The following PTBP3 variants were observed in gnomAD, a reference collection of about 807,000 sequenced individuals.
PTBP3 encodes polypyrimidine tract binding protein 3, also known as polypyrimidine tract-binding protein 3.
In PTBP3, 20 loss-of-function variants were observed where a neutral mutation model predicts 58.7. That is an observed-to-expected ratio of 0.34 (90% CI 0.24 to 0.50). The LOEUF is 0.50. Ranked by LOEUF, PTBP3 falls within the 20% of genes least tolerant of loss-of-function variation. The pLI is 0.98. For synonymous variants in PTBP3, 185 were observed against 219.8 expected (o/e 0.84, Z 1.40); for missense variants, 509 against 637.2 (o/e 0.80, Z 2.17).
In PTBP3 at chr9:112,223,279, G is replaced by A. The variant is rs1452106626; in HGVS notation, c.*572C>T. ...AGAAATCATTCAAAGAAAACATGCA[G>A]GTTTATAAATCTGCTTCCAACACAA... is the stretch of plus-strand genomic sequence containing the variant. On this transcript the variant is annotated 3_prime_UTR_variant, in exon 14 of 14. Transcript: ENST00000374257. The A allele has an allele frequency of 1.1e-6, 1 of 949,248 alleles. No individual in the cohort carries two copies. The highest frequency in any genetic ancestry group is 1.3e-6 in the Non-Finnish European group (1 of 796,814). 58.8% of individuals were successfully genotyped at this position (949,248 alleles called of 1,614,324 possible).
At chr9:112,305,502 C>T (rs1344148179) in intron 1 of PTBP3, among the ~76,000 whole-genome samples, 2 of 152,172 alleles carry the variant, frequency 1.3e-5, no homozygotes, top group Non-Finnish European at 2.9e-5. Flanking sequence ...GTTGATAATA[C>T]TCCTTGCCTA....
At chr9:112,329,522 GCCTTTTA>G (rs1830283861) in intron 1 of PTBP3, among the ~76,000 whole-genome samples, 1 of 152,186 alleles carries the variant, frequency 6.6e-6, no homozygotes, top group Non-Finnish European at 1.5e-5. Context: ...CTGGATGTTT[GCCTTTTA>G]GACAGAACTC....
chr9:112,337,818 G>C (rs1284455281), upstream of PTBP3, among the ~76,000 whole-genome samples: 1 of 152,230 alleles, frequency 6.6e-6, no homozygotes, highest in Non-Finnish European at 1.5e-5. Context: ...CCAGTAGGCA[G>C]TGGTTAGTTA....
chr9:112,373,766 G>A, the PTBP3 span, among the ~76,000 whole-genome samples: 3 of 152,276 alleles, frequency 2.0e-5, no homozygotes, highest in Non-Finnish European at 4.4e-5. Flanking sequence ...TATGTCACAT[G>A]ATAAAGGAAA....
intron 1 of PTBP3, among the ~76,000 whole-genome samples, chr9:112,304,345 A>G (rs1829075581): frequency 6.6e-6 from 1 of 152,216 alleles, no homozygotes; most frequent in Non-Finnish European, 1.5e-5. Context: ...TTAGAGAAAA[A>G]AAAGGAAAAA....
intron 1 of PTBP3, among the ~76,000 whole-genome samples, chr9:112,307,463 T>C (rs577409212): frequency 5.3e-4 from 80 of 152,020 alleles, no homozygotes; most frequent in African/African-American, 1.9e-3. Context: ...AAATAAAAAA[T>C]AAAAAAGATA....
At chr9:112,233,767 C>T (rs994549447) in intron 8 of PTBP3, among the ~76,000 whole-genome samples, 1 of 152,050 alleles carries the variant, frequency 6.6e-6, no homozygotes, top group African/African-American at 2.4e-5. Flanking sequence ...CCCACCTCTA[C>T]TAAAAATACA....
chr9:112,307,253 G>A (rs992094165), intron 1 of PTBP3, among the ~76,000 whole-genome samples: 1 of 152,092 alleles, frequency 6.6e-6, no homozygotes, highest in East Asian at 1.9e-4. Flanking sequence ...AGGAGTTCGA[G>A]ACCAGCCTGG....
At chr9:112,236,206 G>A (rs544439560) in intron 7 of PTBP3, among the ~76,000 whole-genome samples, 16 of 151,954 alleles carry the variant, frequency 1.1e-4, no homozygotes, top group East Asian at 7.7e-4. Context: ...AGAAAATACC[G>A]TCACAAGAGA....
intron 9 of PTBP3, 145 bp from the exon 10 acceptor site, chr9:112,231,558 A>G: frequency 6.6e-6 from 4 of 601,570 alleles, no homozygotes; most frequent in Non-Finnish European, 1.1e-5. Flanking sequence ...GAATTTTAAT[A>G]GAAGTTCTTA....
chr9:112,367,868 TTAAA>T, the PTBP3 span, among the ~76,000 whole-genome samples: 2 of 152,322 alleles, frequency 1.3e-5, no homozygotes, highest in South Asian at 4.1e-4. Flanking sequence ...CATTGTTTCT[TTAAA>T]TAAGTTTTCT....
At chr9:112,282,914 GT>G (rs1031049652) in intron 2 of PTBP3, among the ~76,000 whole-genome samples, 2 of 152,022 alleles carry the variant, frequency 1.3e-5, no homozygotes, top group Non-Finnish European at 2.9e-5. Context: ...CATGGGGGTG[GT>G]TTCCCCCATG....
At chr9:112,260,842 A>G (rs1266703967) in intron 5 of PTBP3, among the ~76,000 whole-genome samples, 1 of 152,236 alleles carries the variant, frequency 6.6e-6, no homozygotes, top group East Asian at 1.9e-4. Flanking sequence ...CTACCCCAGC[A>G]CTTGCTACTG....
At chr9:112,362,046 T>C in the PTBP3 span, among the ~76,000 whole-genome samples, 2 of 152,210 alleles carry the variant, frequency 1.3e-5, no homozygotes, top group Non-Finnish European at 2.9e-5. Context: ...TTTAGAAAAT[T>C]ATCTATTTGG....
the PTBP3 span, among the ~76,000 whole-genome samples, chr9:112,349,702 TACA>T: frequency 1.3e-5 from 2 of 151,512 alleles, no homozygotes; most frequent in East Asian, 1.9e-4. Context: ...CTACCAAAAA[TACA>T]ACAATTAGTC....
the PTBP3 span, among the ~76,000 whole-genome samples, chr9:112,379,458 G>A: frequency 6.6e-6 from 1 of 151,888 alleles, no homozygotes; most frequent in Non-Finnish European, 1.5e-5. Context: ...TGCAAGTTCA[G>A]CTTTTGACTA....
the PTBP3 span, among the ~76,000 whole-genome samples, chr9:112,355,363 T>C: frequency 1.3e-5 from 2 of 152,258 alleles, no homozygotes; most frequent in African/African-American, 4.8e-5. Flanking sequence ...CGATGGTTTA[T>C]ATTCTTGTGA....
In PTBP3 at chr9:112,222,802, T is replaced by C; in HGVS notation, c.*1049A>G. The C allele has an allele frequency of 2.2e-6, 2 of 911,976 alleles. No individual in the cohort carries two copies. Among genetic ancestry groups the C allele is most frequent in the Non-Finnish European group, 2.6e-6 (2 of 762,866 alleles). The allele number at this position is 911,976 out of a possible 1,614,324, so 56.5% of individuals were successfully genotyped here. The stretch of plus-strand genomic sequence containing the variant: ...TATCTTAAGCACATAATAAGGCACA[T>C]AATAAGAAATTAAGTAAATACACAG... On this transcript the variant is annotated 3_prime_UTR_variant, in exon 14 of 14. Coordinates refer to ENST00000374257, the MANE Select transcript of PTBP3 (RefSeq NM_001163788.4).
the PTBP3 span, among the ~76,000 whole-genome samples, chr9:112,361,871 G>A: frequency 6.6e-6 from 1 of 152,142 alleles, no homozygotes; most frequent in African/African-American, 2.4e-5. Flanking sequence ...ACGTATGAGG[G>A]TTCTAATTTC....
Sources: gnomAD v4.1 joint callset for allele counts (sites outside exome capture counted in the v4.1 genomes callset) on GRCh38, gnomAD v4.1.1 for gene constraint, MANE v1.5 for transcripts, NCBI Gene and HGNC (gene_info 2026-07-23, HGNC 2026-07-21) for gene names.